ADCY5: variants seen among roughly 807,000 people sequenced by gnomAD.
The protein encoded by ADCY5 is adenylate cyclase type 5.
In ADCY5, 30 loss-of-function variants were observed where a neutral mutation model predicts 119.7. That is an observed-to-expected ratio of 0.25 (90% CI 0.19 to 0.34). ADCY5 has a LOEUF of 0.34. ADCY5 is among the 10% of genes least tolerant of loss of function. The pLI is 1.00. For synonymous variants in ADCY5, 753 were observed against 762.2 expected, an observed-to-expected ratio of 0.99 and a Z score of 0.20; for missense variants, 1,324 against 1,775.2, an observed-to-expected ratio of 0.75 and a Z score of 4.57.
At chr3:123,302,578 G>T (rs1939910017) in intron 14 of ADCY5, among the ~76,000 whole-genome samples, 1 of 152,084 alleles carries the variant, frequency 6.6e-6, no homozygotes, top group African/African-American at 2.4e-5. Flanking sequence ...AGAAGCTGAG[G>T]GTCTATAAAG....
intron 1 of ADCY5, among the ~76,000 whole-genome samples, chr3:123,435,841 C>A (rs1418862538): frequency 6.8e-6 from 1 of 147,722 alleles, no homozygotes; most frequent in African/African-American, 2.5e-5. Context: ...GGCAACCTGG[C>A]AAGAGCCCTT....
chr3:123,408,609 T>C (rs946587280), intron 1 of ADCY5, among the ~76,000 whole-genome samples: 1 of 149,092 alleles, frequency 6.7e-6, no homozygotes, highest in African/African-American at 2.5e-5. Context: ...TGAGCCGAGA[T>C]GGCGCCACTG....
chr3:123,370,780 T>C, intron 1 of ADCY5, among the ~76,000 whole-genome samples: 1 of 152,180 alleles, frequency 6.6e-6, no homozygotes, highest in South Asian at 2.1e-4. Flanking sequence ...AGTATCAAGA[T>C]GGCAAGCCCC....
chr3:123,392,862 T>C (rs1424119753), intron 1 of ADCY5, among the ~76,000 whole-genome samples: 1 of 147,820 alleles, frequency 6.8e-6, no homozygotes, highest in Non-Finnish European at 1.5e-5. Flanking sequence ...CACTTTTTTT[T>C]GTGGCAGGAG....
At chr3:123,297,823 C>T (rs923057795) in intron 15 of ADCY5, among the ~76,000 whole-genome samples, 1 of 152,160 alleles carries the variant, frequency 6.6e-6, no homozygotes, top group African/African-American at 2.4e-5. Flanking sequence ...GTAAAACATA[C>T]ACCAGGTTTT....
chr3:123,393,462 C>A (rs889091429), intron 1 of ADCY5, among the ~76,000 whole-genome samples: 2 of 151,996 alleles, frequency 1.3e-5, no homozygotes, highest in South Asian at 2.1e-4. Flanking sequence ...GAGGCTGAAC[C>A]AACAGGATCA....
Position 123,448,701 on chromosome 3 carries a change from C to G in ADCY5, c.-156G>C. 1.7e-6 allele frequency: 1 copy of G among 577,150 alleles called. No individual in the cohort carries two copies. Among genetic ancestry groups the G allele is most frequent in the Non-Finnish European group, 2.6e-6 (1 of 389,988 alleles). 35.8% of individuals were successfully genotyped at this position (577,150 alleles called of 1,614,324 possible). A position where few individuals can be genotyped will look rare whatever the true frequency, so the allele number is the denominator to read the frequency against. On this transcript the variant is annotated 5_prime_UTR_variant, in exon 1 of 21. Coordinates refer to ENST00000462833, the MANE Select transcript of ADCY5 (RefSeq NM_183357.3). ...GCTGCAGCGGGGCATCTTGGCACCC[C>G]CGTCCTGAGCGGAGGAGGAGGGCAC...
chr3:123,399,792 A>G (rs1944704001), intron 1 of ADCY5, among the ~76,000 whole-genome samples: 5 of 152,200 alleles, frequency 3.3e-5, no homozygotes, highest in South Asian at 4.1e-4. Context: ...CCATAATCAT[A>G]ACAGCACATT....
At chr3:123,346,121 A>T (rs1214758277) in intron 3 of ADCY5, among the ~76,000 whole-genome samples, 1 of 152,242 alleles carries the variant, frequency 6.6e-6, no homozygotes, top group East Asian at 1.9e-4. Context: ...GGTTCAGGCA[A>T]GCTCTGCGTA....
chr3:123,350,718 G>A (rs569014167), intron 2 of ADCY5, among the ~76,000 whole-genome samples: 6 of 152,348 alleles, frequency 3.9e-5, no homozygotes, highest in African/African-American at 7.2e-5. Context: ...CATTGGCTCC[G>A]AATATGGAAT....
intron 6 of ADCY5, 105 bp downstream of exon 6, chr3:123,328,539 G>A (rs1471336173): frequency 5.1e-6 from 7 of 1,382,990 alleles, no homozygotes; most frequent in Non-Finnish European, 7.0e-6. Context: ...TGCCCATCCT[G>A]CCCACCCCAC....
intron 3 of ADCY5, among the ~76,000 whole-genome samples, chr3:123,342,925 C>G (rs748554854): frequency 3.3e-5 from 5 of 152,168 alleles, no homozygotes; most frequent in Non-Finnish European, 5.9e-5. Context: ...TCTGCAGCCT[C>G]CTGCGCTGCG....
At chr3:123,355,899 T>C (rs1218907671) in intron 1 of ADCY5, among the ~76,000 whole-genome samples, 2 of 152,166 alleles carry the variant, frequency 1.3e-5, no homozygotes, top group Non-Finnish European at 2.9e-5. Context: ...CTCATACTAC[T>C]CAATTTCAAG....
Position 123,314,225 on chromosome 3 carries a change from C to T in ADCY5, c.2442+10G>A. 1.2e-6 allele frequency: 2 copies of T among 1,607,978 alleles called. No individual in the cohort carries two copies. Among genetic ancestry groups the T allele is most frequent in the Non-Finnish European group, 1.7e-6 (2 of 1,175,014 alleles). ...AAGGTGGCTGCAACCCAGCTGTCAG[C>T]TACACTCACCTTTACGCAGGAGTAG... On this transcript the variant is annotated intron_variant, in intron 12 of 20. Transcript: ENST00000462833.
chr3:123,401,275 T>G (rs1254472592), intron 1 of ADCY5, among the ~76,000 whole-genome samples: 4 of 152,060 alleles, frequency 2.6e-5, no homozygotes, highest in African/African-American at 9.7e-5. Context: ...AGGTGGTAAA[T>G]GAGGTTGCAC....
At chr3:123,379,993 G>A (rs891815924) in intron 1 of ADCY5, among the ~76,000 whole-genome samples, 3 of 152,096 alleles carry the variant, frequency 2.0e-5, no homozygotes, top group African/African-American at 7.2e-5. Flanking sequence ...TTCAAATCCA[G>A]GGCCCTCTAA....
At chr3:123,443,775 C>T (rs765699566) in intron 1 of ADCY5, among the ~76,000 whole-genome samples, 1 of 152,152 alleles carries the variant, frequency 6.6e-6, no homozygotes, top group Non-Finnish European at 1.5e-5. Flanking sequence ...TCACGGGGAC[C>T]CATGCGGGGT....
chr3:123,366,330 T>C (rs926021039), intron 1 of ADCY5, among the ~76,000 whole-genome samples: 6 of 152,294 alleles, frequency 3.9e-5, no homozygotes, highest in East Asian at 1.9e-4. Context: ...TGCTGAGCCA[T>C]TGGTGGCCCA....
intron 1 of ADCY5, among the ~76,000 whole-genome samples, chr3:123,353,576 G>C (rs140884649): frequency 0.02 from 2,980 of 152,170 alleles, 45 homozygotes; most frequent in Admixed American, 0.029. Flanking sequence ...CTTAGTCCCA[G>C]CTCCAGAAAA....
Sources: gnomAD v4.1 joint callset for allele counts (sites outside exome capture counted in the v4.1 genomes callset) on GRCh38, gnomAD v4.1.1 for gene constraint, MANE v1.5 for transcripts, NCBI Gene and HGNC (gene_info 2026-07-23, HGNC 2026-07-21) for gene names.